Variants in ARHGAP24 observed in about 807,000 individuals in gnomAD.
ARHGAP24 encodes the protein rho GTPase-activating protein 24.
Under a neutral mutation model 76.4 loss-of-function variants are expected in ARHGAP24, and 50 were observed. That is an observed-to-expected ratio of 0.65 (90% CI 0.52 to 0.83). The LOEUF is 0.83. Among genes scored for constraint, ARHGAP24 ranks in the 40% least tolerant of loss-of-function variants. ARHGAP24 has a pLI of 0.00. For missense variants in ARHGAP24, 930 were observed against 914.2 expected (o/e 1.02, Z -0.22); for synonymous variants, 345 against 323.3 (o/e 1.07, Z -0.72).
intron 3 of ARHGAP24, among the ~76,000 whole-genome samples, chr4:85,898,923 T>G (rs1452042493): frequency 6.6e-6 from 1 of 152,110 alleles, no homozygotes; most frequent in African/African-American, 2.4e-5. Flanking sequence ...TTTGTATGTT[T>G]AGTAGAGATG....
At chr4:85,733,388 G>A (rs959609802) in intron 3 of ARHGAP24, among the ~76,000 whole-genome samples, 4 of 152,068 alleles carry the variant, frequency 2.6e-5, no homozygotes, top group African/African-American at 9.7e-5. Flanking sequence ...TGGTAGGACA[G>A]TCCCTAAACT....
rs114988507 is a variant in ARHGAP24 at position 85,482,093 on chromosome 4, T to C, written c.-21+6534T>C. On this transcript the variant is annotated intron_variant, in intron 1 of 9. Coordinates refer to ENST00000395184, the MANE Select transcript of ARHGAP24 (RefSeq NM_001025616.3). ...TAAAATTTTCTTATATGGAGAAGCT[T>C]CCAGCAAGAAAATATGATCCGGGGG... Among the ~76,000 whole-genome samples, 749 of 152,272 alleles carry C rather than the reference T, an allele frequency of 4.9e-3. 5 individuals are homozygous for C. The highest frequency in any genetic ancestry group is 0.017 in the African/African-American group (710 of 41,548).
rs1254809418 is a variant in ARHGAP24 at position 85,977,579 on chromosome 4, T to C, written c.816T>C (p.Asp272=). ...TGCTTATACTCCATAGATTCTTGGA[T>C]GAAGTACAGTCCTACTCGGGAGTTA... ...NLLKYICRFL[D]EVQSYSGVNK... is the part of the protein sequence containing the mutation. The change falls in exon 8 of 10, where the codon GAT becomes GAC. Residue 272 remains aspartate, a synonymous_variant. Coordinates refer to ENST00000395184, the MANE Select transcript of ARHGAP24 (RefSeq NM_001025616.3). 3 of 1,613,588 alleles carry C rather than the reference T, an allele frequency of 1.9e-6. No individual in the cohort carries two copies. Among genetic ancestry groups the C allele is most frequent in the African/African-American group, 2.7e-5 (2 of 74,926 alleles).
intron 3 of ARHGAP24, among the ~76,000 whole-genome samples, chr4:85,871,956 T>A (rs895437839): frequency 4.0e-5 from 6 of 151,794 alleles, no homozygotes; most frequent in Non-Finnish European, 8.8e-5. Flanking sequence ...GAATAACTAT[T>A]GCCAATATTT....
intron 3 of ARHGAP24, among the ~76,000 whole-genome samples, chr4:85,887,755 A>C (rs1733643884): frequency 6.6e-6 from 1 of 152,212 alleles, no homozygotes; most frequent in African/African-American, 2.4e-5. Flanking sequence ...AATACTAAAG[A>C]ATCTAAAGAT....
intron 3 of ARHGAP24, among the ~76,000 whole-genome samples, chr4:85,770,330 T>G (rs1486288239): frequency 6.6e-6 from 1 of 152,230 alleles, no homozygotes; most frequent in African/African-American, 2.4e-5. Flanking sequence ...TATTTAAAAA[T>G]TATTCAGCAT....
chr4:85,669,645 AT>A (rs1722752564), intron 2 of ARHGAP24, among the ~76,000 whole-genome samples: 1 of 4,640 alleles, frequency 2.2e-4, no homozygotes, highest in Non-Finnish European at 3.3e-4. Flanking sequence ...GTACTTTCAA[AT>A]ATATATATAT....
In ARHGAP24 at chr4:85,766,238, A is replaced by G. The variant is rs1448020668; in HGVS notation, c.268+44266A>G. Among the ~76,000 whole-genome samples the G allele has an allele frequency of 3.3e-5, 5 of 152,118 alleles. No homozygotes were observed. The East Asian group carries it at 9.6e-4, about 29-fold the overall frequency. ...AGATGGGGTACGGGGACTGGCAATCAGAGAAACTGGCACATAAAAAAGAAA... is the reference window on the plus strand; with the variant it reads ...AGATGGGGTACGGGGACTGGCAATCGGAGAAACTGGCACATAAAAAAGAAA... On this transcript the variant is annotated intron_variant, in intron 3 of 9. Transcript: ENST00000395184.
At chr4:85,656,500 G>A (rs1261450884) in intron 2 of ARHGAP24, among the ~76,000 whole-genome samples, 2 of 151,930 alleles carry the variant, frequency 1.3e-5, no homozygotes, top group East Asian at 1.9e-4. Flanking sequence ...ACAGAGTCTC[G>A]CTCTGTCACC....
At chr4:85,872,204 T>C (rs1732564425) in intron 3 of ARHGAP24, among the ~76,000 whole-genome samples, 1 of 152,046 alleles carries the variant, frequency 6.6e-6, no homozygotes, top group Non-Finnish European at 1.5e-5. Flanking sequence ...TGCAATTGAA[T>C]TTCATTAAGT....
Position 86,002,548 on chromosome 4 carries a change from C to T in ARHGAP24, c.*1826C>T, listed in dbSNP as rs561500336. 4 of 151,310 alleles carry T rather than the reference C, an allele frequency of 2.6e-5. No individual in the cohort carries two copies. The highest frequency in any genetic ancestry group is 6.6e-5 in the Admixed American group (1 of 15,160). The allele number at this position is 151,310 out of a possible 1,614,324, so 9.4% of individuals were successfully genotyped here. Reference sequence around the variant, plus strand: ...CTATATGATGCACTAGTAAAAAAAACAAAGATATTCAAACTGCTTGGGTTC... The same window carrying T: ...CTATATGATGCACTAGTAAAAAAAATAAAGATATTCAAACTGCTTGGGTTC... On this transcript the variant is annotated 3_prime_UTR_variant, in exon 10 of 10. Coordinates refer to ENST00000395184, the MANE Select transcript of ARHGAP24 (RefSeq NM_001025616.3).
At chr4:85,639,179 A>T (rs976626923) in intron 2 of ARHGAP24, among the ~76,000 whole-genome samples, 1 of 152,142 alleles carries the variant, frequency 6.6e-6, no homozygotes, top group Admixed American at 6.6e-5. Flanking sequence ...AGATATGACC[A>T]CTATTTCTTT....
intron 1 of ARHGAP24, among the ~76,000 whole-genome samples, chr4:85,564,456 G>C (rs1053149502): frequency 1.3e-5 from 1 of 75,340 alleles, no homozygotes; most frequent in Non-Finnish European, 3.1e-5. Context: ...ACGAGTTAAT[G>C]GGTGCAGCAC....
In ARHGAP24 at chr4:85,721,867, G is replaced by A; in HGVS notation, c.181-18G>A. 1 of 1,599,406 alleles carries A rather than the reference G, an allele frequency of 6.3e-7. No homozygotes were observed. The stretch of plus-strand genomic sequence containing the variant: ...TGCTCTCTGATGATGTTGATGTTTT[G>A]GGTATTTGTTTTCACAGGGTACTAT... On this transcript the variant is annotated intron_variant, in intron 2 of 9. Coordinates refer to ENST00000395184, the MANE Select transcript of ARHGAP24 (RefSeq NM_001025616.3).
chr4:85,767,000 T>C (rs6823467), intron 3 of ARHGAP24, among the ~76,000 whole-genome samples: 3,843 of 152,296 alleles, frequency 0.025, 160 homozygotes, highest in African/African-American at 0.088. Flanking sequence ...TTTACCATTG[T>C]GTTACAACTG....
intron 1 of ARHGAP24, among the ~76,000 whole-genome samples, chr4:85,548,315 T>A (rs192940417): frequency 6.6e-6 from 1 of 152,322 alleles, no homozygotes; most frequent in Admixed American, 6.5e-5. Context: ...GGACACTAGG[T>A]GTACTCGTTG....
Position 85,654,777 on chromosome 4 carries a change from G to T in ARHGAP24, c.181-67108G>T, listed in dbSNP as rs954382388. Among the ~76,000 whole-genome samples the T allele has an allele frequency of 9.2e-5, 14 of 152,220 alleles. No homozygotes were observed. In the South Asian group the frequency reaches 1.0e-3, roughly 11 times the overall value. On this transcript the variant is annotated intron_variant, in intron 2 of 9. Transcript: ENST00000395184. ...CCTAGCTACTAACATTTTTACAAGT[G>T]AATATTGTTATATAGTCAGATTTAT... is the stretch of plus-strand genomic sequence containing the variant.
intron 3 of ARHGAP24, among the ~76,000 whole-genome samples, chr4:85,822,654 A>G (rs1311273499): frequency 1.3e-5 from 2 of 152,238 alleles, no homozygotes; most frequent in Non-Finnish European, 2.9e-5. Flanking sequence ...TTTCTTGATC[A>G]TACATGTGTT....
Position 85,669,583 on chromosome 4 carries a change from T to C in ARHGAP24, c.181-52302T>C, listed in dbSNP as rs143779123. 2.3e-3 allele frequency among the ~76,000 whole-genome samples: 344 copies of C among 149,286 alleles called. 7 individuals are homozygous for C. Among genetic ancestry groups the C allele is most frequent in the Admixed American group, 0.021 (315 of 15,014 alleles). Reference sequence around the variant, plus strand: ...ATGTAGACACACAAATATGCTTACATATATATTAAAAATCTGAATTAAAAA... The same window carrying C: ...ATGTAGACACACAAATATGCTTACACATATATTAAAAATCTGAATTAAAAA... On this transcript the variant is annotated intron_variant, in intron 2 of 9. Coordinates refer to ENST00000395184, the MANE Select transcript of ARHGAP24 (RefSeq NM_001025616.3).
Sources: gnomAD v4.1 joint callset for allele counts (sites outside exome capture counted in the v4.1 genomes callset) on GRCh38, gnomAD v4.1.1 for gene constraint, MANE v1.5 for transcripts, NCBI Gene and HGNC (gene_info 2026-07-23, HGNC 2026-07-21) for gene names.